The following EIF4G3 variants were observed in gnomAD, a reference collection of about 807,000 sequenced individuals.
The protein encoded by EIF4G3 is eIF-4-gamma 3.
A neutral mutation model predicts 186.4 loss-of-function variants in EIF4G3; 34 were observed. The ratio of observed to expected loss-of-function variants is 0.18; its 90% CI spans 0.14 to 0.24. The LOEUF is 0.24. EIF4G3 is among the 10% of genes least tolerant of loss of function. The pLI, the probability that EIF4G3 is intolerant of heterozygous loss-of-function variation, is 1.00. For missense variants in EIF4G3, 1,536 were observed against 1,948.5 expected (o/e 0.79, Z 3.99); for synonymous variants, 673 against 679.5 (o/e 0.99, Z 0.15).
chr1:20,875,788 T>C (rs533696811), intron 20 of EIF4G3, among the ~76,000 whole-genome samples: 1 of 152,220 alleles, frequency 6.6e-6, no homozygotes, highest in Admixed American at 6.5e-5. Flanking sequence ...GGTGCATGTT[T>C]ATGGTCCCAG....
intron 4 of EIF4G3, among the ~76,000 whole-genome samples, chr1:21,040,638 T>C (rs1172794216): frequency 3.9e-5 from 6 of 152,220 alleles, no homozygotes; most frequent in East Asian, 1.9e-4. Flanking sequence ...ATTTTGGTTT[T>C]TGACCAATTT....
At chr1:21,036,609 G>T (rs2093223602) in intron 4 of EIF4G3, among the ~76,000 whole-genome samples, 1 of 152,210 alleles carries the variant, frequency 6.6e-6, no homozygotes, top group African/African-American at 2.4e-5. Context: ...GCTGGGCGCA[G>T]TGGCTCACAC....
intron 14 of EIF4G3, among the ~76,000 whole-genome samples, chr1:20,914,095 A>G (rs1572701780): frequency 6.7e-6 from 1 of 149,808 alleles, no homozygotes; most frequent in South Asian, 2.1e-4. Context: ...GGCATGAGCC[A>G]CCACGCCCTG....
At chr1:20,927,459 A>C (rs536392666) in intron 14 of EIF4G3, among the ~76,000 whole-genome samples, 2 of 152,324 alleles carry the variant, frequency 1.3e-5, no homozygotes, top group Admixed American at 1.3e-4. Flanking sequence ...ATTTTCTCTG[A>C]AAGAATTTTC....
intron 2 of EIF4G3, among the ~76,000 whole-genome samples, chr1:21,156,127 C>CAA (rs59546159): frequency 2.3e-3 from 285 of 125,228 alleles, no homozygotes; most frequent in Non-Finnish European, 3.5e-3. Context: ...AACTCTGTCT[C>CAA]AAAAAAAAAA....
chr1:20,824,999 G>A lies in EIF4G3; in HGVS notation c.4368+101C>T. On this transcript the variant is annotated intron_variant, in intron 33 of 36. Transcript: ENST00000602326. ...ACATCTTTACCAAGATTCCTATTTT[G>A]ATGCAATTTTAACGACTGGAATACG... 3 of 662,338 alleles carry A rather than the reference G, an allele frequency of 4.5e-6. No individual in the cohort carries two copies. In the South Asian group the frequency reaches 8.7e-5, roughly 19 times the overall value. 41.0% of individuals were successfully genotyped at this position (662,338 alleles called of 1,614,324 possible).
intron 12 of EIF4G3, among the ~76,000 whole-genome samples, chr1:20,968,643 A>C (rs751664327): frequency 6.6e-6 from 1 of 152,220 alleles, no homozygotes; most frequent in Non-Finnish European, 1.5e-5. Context: ...TGCCTAACTG[A>C]CAATTTATTA....
intron 2 of EIF4G3, among the ~76,000 whole-genome samples, chr1:21,094,277 C>A (rs2096289458): frequency 1.3e-5 from 2 of 151,810 alleles, no homozygotes; most frequent in South Asian, 4.2e-4. Context: ...GGCATATACC[C>A]AAAGGATTAT....
chr1:20,962,784 G>C (rs545107864), intron 12 of EIF4G3, among the ~76,000 whole-genome samples: 1 of 152,084 alleles, frequency 6.6e-6, no homozygotes, highest in South Asian at 2.1e-4. Context: ...TATTTTAAGC[G>C]GATACTCTCA....
At chr1:21,033,242 T>C (rs2092897289) in intron 4 of EIF4G3, among the ~76,000 whole-genome samples, 1 of 152,192 alleles carries the variant, frequency 6.6e-6, no homozygotes, top group Non-Finnish European at 1.5e-5. Flanking sequence ...TCACACATAA[T>C]AAATACGGTA....
chr1:21,006,013 T>C (rs572065419), intron 4 of EIF4G3, among the ~76,000 whole-genome samples: 3 of 152,310 alleles, frequency 2.0e-5, no homozygotes, highest in Admixed American at 2.0e-4. Flanking sequence ...ATTATACCAC[T>C]AGCAATATGG....
chr1:21,044,605 T>C (rs2093769236), intron 4 of EIF4G3, among the ~76,000 whole-genome samples: 1 of 151,344 alleles, frequency 6.6e-6, no homozygotes, highest in Non-Finnish European at 1.5e-5. Context: ...AAAGCATATG[T>C]AGTAAGGAAA....
At chr1:21,116,884 C>T (rs1042347701) in intron 2 of EIF4G3, among the ~76,000 whole-genome samples, 1 of 149,552 alleles carries the variant, frequency 6.7e-6, no homozygotes, top group African/African-American at 2.5e-5. Flanking sequence ...GTGGCAGGCA[C>T]ACAAGTATCT....
chr1:20,912,536 C>T (rs2093369495), intron 14 of EIF4G3, among the ~76,000 whole-genome samples: 1 of 152,104 alleles, frequency 6.6e-6, no homozygotes, highest in Non-Finnish European at 1.5e-5. Context: ...ATTGAAGTGA[C>T]ACAAAACTGA....
At chr1:20,919,616 C>G (rs1161842665) in intron 14 of EIF4G3, among the ~76,000 whole-genome samples, 1 of 152,112 alleles carries the variant, frequency 6.6e-6, no homozygotes, top group Non-Finnish European at 1.5e-5. Context: ...TCCATTTTAA[C>G]TAATCTGAAA....
chr1:21,151,631 AT>A (rs1309459046), intron 2 of EIF4G3, among the ~76,000 whole-genome samples: 6 of 152,030 alleles, frequency 3.9e-5, no homozygotes, highest in African/African-American at 1.4e-4. Context: ...AGGTTTACTC[AT>A]GTCATGAAAG....
In EIF4G3 at chr1:20,941,632, G is replaced by T; in HGVS notation, c.1522C>A (p.Leu508Ile). 1 of 1,614,062 alleles carries T rather than the reference G, an allele frequency of 6.2e-7. No homozygotes were observed. Among genetic ancestry groups the T allele is most frequent in the Admixed American group, 1.7e-5 (1 of 60,006 alleles). Residue 508 changes from leucine to isoleucine, a missense_variant, in exon 14 of 37, where the codon CTA becomes ATA. Transcript: ENST00000602326. ...GTTCTTATGCTCTCGTCCTCCTCTA[G>T]GACTCTCTGGACTGTGATGGCAGCA... is the stretch of plus-strand genomic sequence containing the variant. ...PSAAITVQRV[L>I]EEDESIRTCL...
chr1:21,131,100 C>T (rs1015008478), intron 2 of EIF4G3, among the ~76,000 whole-genome samples: 1 of 151,788 alleles, frequency 6.6e-6, no homozygotes, highest in African/African-American at 2.4e-5. Flanking sequence ...ACTAGCCAGG[C>T]ATGCTGGTGC....
chr1:20,899,192 A>G (rs750630907), intron 16 of EIF4G3, among the ~76,000 whole-genome samples: 34 of 152,330 alleles, frequency 2.2e-4, no homozygotes, highest in Non-Finnish European at 4.6e-4. Flanking sequence ...TTTGTTTACC[A>G]TATGTTTATC....
Sources: gnomAD v4.1 joint callset for allele counts (sites outside exome capture counted in the v4.1 genomes callset) on GRCh38, gnomAD v4.1.1 for gene constraint, MANE v1.5 for transcripts, NCBI Gene and HGNC (gene_info 2026-07-23, HGNC 2026-07-21) for gene names.